PCDHA4: variants seen among roughly 807,000 people sequenced by gnomAD.
The protein encoded by PCDHA4 is protocadherin alpha-4.
Under a neutral mutation model 61.4 loss-of-function variants are expected in PCDHA4, and 49 were observed. The observed-to-expected ratio is 0.80, with a 90% CI of 0.63 to 1.01. The LOEUF (loss-of-function observed/expected upper bound fraction) is 1.01, where lower values mean the gene tolerates loss of function less well. Ranked by LOEUF, PCDHA4 falls within the 50% of genes least tolerant of loss-of-function variation. PCDHA4 has a pLI of 0.00. For synonymous variants in PCDHA4, 590 were observed against 550.3 expected (o/e 1.07, Z -1.01); for missense variants, 1,254 against 1,235.8 (o/e 1.01, Z -0.22).
chr5:140,899,752 A>G lies in PCDHA4; in HGVS notation c.2386-79197A>G, dbSNP rs190521600. On this transcript the variant is annotated intron_variant, in intron 1 of 3. Transcript: ENST00000530339. ...ATTGATTGGAATAGTTTCAGAAGGA[A>G]TGGTACCAGTTCCTCCTTTTACCTC... Among the ~76,000 whole-genome samples the G allele has an allele frequency of 4.0e-4, 61 of 152,320 alleles. No homozygotes were observed. The East Asian group carries it at 8.7e-3, about 22-fold the overall frequency.
At chr5:140,858,843 T>C (rs1373810997) in intron 1 of PCDHA4, 2 of 313,860 alleles carry the variant, frequency 6.4e-6, no homozygotes, top group Non-Finnish European at 1.2e-5. Context: ...AAAATTCCAC[T>C]GATCTATATC....
intron 1 of PCDHA4, among the ~76,000 whole-genome samples, chr5:140,897,816 G>C (rs1305259522): frequency 1.1e-4 from 16 of 152,078 alleles, no homozygotes; most frequent in Non-Finnish European, 1.9e-4. Flanking sequence ...CAGTGTAAAA[G>C]TGTTCCTATT....
chr5:140,822,107 G>T, intron 1 of PCDHA4: 1 of 1,614,274 alleles, frequency 6.2e-7, no homozygotes, highest in Non-Finnish European at 8.5e-7. Context: ...ATCGTGGACA[G>T]GCCGCTGCAG....
rs2098422174 is a variant in PCDHA4 at position 141,011,893 on chromosome 5, T to G, written c.*1956T>G. On this transcript the variant is annotated 3_prime_UTR_variant, in exon 4 of 4. Coordinates refer to ENST00000530339, the MANE Select transcript of PCDHA4 (RefSeq NM_018907.4). ...CAATTTAGAAGTTTGATTAATTATATTATCTATTTAGGCATTAATATAAAA... is the reference window on the plus strand; with the variant it reads ...CAATTTAGAAGTTTGATTAATTATAGTATCTATTTAGGCATTAATATAAAA... The G allele has an allele frequency of 6.5e-6, 1 of 153,362 alleles. No individual in the cohort carries two copies. Among genetic ancestry groups the G allele is most frequent in the Admixed American group, 6.5e-5 (1 of 15,272 alleles). 9.5% of individuals were successfully genotyped at this position (153,362 alleles called of 1,614,324 possible). A position where few individuals can be genotyped will look rare whatever the true frequency, so the allele number is the denominator to read the frequency against.
intron 1 of PCDHA4, among the ~76,000 whole-genome samples, chr5:140,886,696 C>T (rs564317930): frequency 2.0e-5 from 3 of 151,944 alleles, no homozygotes; most frequent in Non-Finnish European, 2.9e-5. Flanking sequence ...CATGGTGGCA[C>T]GCGCCTGTAA....
At chr5:140,842,190 T>C (rs2150331409) in intron 1 of PCDHA4, 1 of 1,613,858 alleles carries the variant, frequency 6.2e-7, no homozygotes, top group East Asian at 2.2e-5. Context: ...ACTATGGTTA[T>C]TGACCACTTT....
intron 3 of PCDHA4, among the ~76,000 whole-genome samples, chr5:140,999,595 C>T (rs1232390404): frequency 1.3e-5 from 2 of 152,148 alleles, no homozygotes; most frequent in East Asian, 3.9e-4. Flanking sequence ...GCCTTCCCTA[C>T]ATCCTGGGGG....
At position 140,807,302 on chromosome 5, in the gene PCDHA4, G is replaced by A. The variant is rs189135254; in HGVS notation, c.115G>A (p.Ala39Thr). The stretch of plus-strand genomic sequence containing the variant: ...GCTCCACTACTCGGTCTCCGAGGAG[G>A]CCAAACACGGCACCTTCGTGGGCCG... ...GQLHYSVSEEAKHGTFVGRIA... is the reference protein window; with the variant it reads ...GQLHYSVSEETKHGTFVGRIA... The change falls in exon 1 of 4, where the codon GCC (alanine) becomes ACC (threonine). Residue 39 changes from alanine (A) to threonine (T), a missense_variant. Physicochemically the swap from Ala to Thr is moderately conservative, Grantham distance 58. Coordinates refer to ENST00000530339, the MANE Select transcript of PCDHA4 (RefSeq NM_018907.4). 127 of 1,614,152 alleles carry A rather than the reference G, an allele frequency of 7.9e-5. No homozygotes were observed. The highest frequency in any genetic ancestry group is 5.1e-6 in the Non-Finnish European group (6 of 1,180,048).
Position 140,982,684 on chromosome 5 carries a change from T to C in PCDHA4, c.2533+121T>C. Reference sequence around the variant, plus strand: ...TTTTATATTTTTGTTATTCCCTTTTTTCCATACATACATGATTTCCTTACA... The same window carrying C: ...TTTTATATTTTTGTTATTCCCTTTTCTCCATACATACATGATTTCCTTACA... On this transcript the variant is annotated intron_variant, in intron 3 of 3. Transcript: ENST00000530339. The C allele has an allele frequency of 2.8e-6, 4 of 1,425,176 alleles. No individual in the cohort carries two copies. In the South Asian group the frequency reaches 6.0e-5, roughly 21 times the overall value. 88.3% of individuals were successfully genotyped at this position (1,425,176 alleles called of 1,614,324 possible).
At chr5:140,828,421 G>A (rs2150155146) in intron 1 of PCDHA4, 29 of 1,614,142 alleles carry the variant, frequency 1.8e-5, no homozygotes, top group East Asian at 1.1e-4. Context: ...AGGTGATCGT[G>A]GACAGGCCGC....
intron 1 of PCDHA4, chr5:140,823,323 G>A: frequency 1.9e-6 from 3 of 1,612,186 alleles, no homozygotes; most frequent in Non-Finnish European, 8.5e-7. Context: ...GCGGCAAGGT[G>A]TACGCGCTGC....
chr5:140,965,591 C>T (rs1440117062), intron 1 of PCDHA4, among the ~76,000 whole-genome samples: 1 of 151,692 alleles, frequency 6.6e-6, no homozygotes, highest in Non-Finnish European at 1.5e-5. Context: ...AATGGTTTTG[C>T]AGACTCTTGA....
intron 1 of PCDHA4, chr5:140,875,494 G>A (rs1178647780): frequency 6.2e-7 from 1 of 1,613,020 alleles, no homozygotes; most frequent in Non-Finnish European, 8.5e-7. Context: ...CGGACCAAGA[G>A]GCCCGGGATC....
At chr5:140,999,806 A>G (rs1230100139) in intron 3 of PCDHA4, among the ~76,000 whole-genome samples, 1 of 152,152 alleles carries the variant, frequency 6.6e-6, no homozygotes, top group African/African-American at 2.4e-5. Context: ...TTTGGGCACA[A>G]AGCAAGAGCT....
Position 140,978,933 on chromosome 5 carries a change from CTT to C in PCDHA4, c.2386-14_2386-13del, listed in dbSNP as rs1179085898. On this transcript the variant is annotated splice_polypyrimidine_tract_variant and intron_variant, in intron 1 of 3. Coordinates refer to ENST00000530339, the MANE Select transcript of PCDHA4 (RefSeq NM_018907.4). The stretch of plus-strand genomic sequence containing the variant: ...TCTTGTCATTTTAACAGAAAACTCT[CTT>C]TGTGATTTTGCAGCCACGACAGCCC... 1.2e-6 allele frequency: 2 copies of C among 1,613,976 alleles called. No individual in the cohort carries two copies. The highest frequency in any genetic ancestry group is 2.7e-5 in the African/African-American group (2 of 74,920).
chr5:140,945,539 A>G (rs1233256432), intron 1 of PCDHA4, among the ~76,000 whole-genome samples: 1 of 152,052 alleles, frequency 6.6e-6, no homozygotes, highest in Non-Finnish European at 1.5e-5. Flanking sequence ...AAACATACAA[A>G]CAAAAAAATG....
chr5:140,941,597 G>T (rs2093124922), intron 1 of PCDHA4, among the ~76,000 whole-genome samples: 1 of 152,032 alleles, frequency 6.6e-6, no homozygotes, highest in Middle Eastern at 3.4e-3. Context: ...TTACAGCCAT[G>T]AGCCATGGTG....
chr5:140,931,147 A>G (rs1469532498), intron 1 of PCDHA4, among the ~76,000 whole-genome samples: 1 of 152,206 alleles, frequency 6.6e-6, no homozygotes, highest in Non-Finnish European at 1.5e-5. Context: ...AGTGGATACT[A>G]TTTAATAGAA....
At chr5:140,832,000 T>C (rs1771797790) in intron 1 of PCDHA4, among the ~76,000 whole-genome samples, 1 of 152,228 alleles carries the variant, frequency 6.6e-6, no homozygotes. Flanking sequence ...TTCCATATTG[T>C]TTTCATTTTA....
Sources: allele counts gnomAD v4.1 joint callset (sites outside exome capture counted in the v4.1 genomes callset), GRCh38; gene constraint gnomAD v4.1.1; transcripts MANE v1.5; gene names NCBI Gene and HGNC (gene_info 2026-07-23, HGNC 2026-07-21).